Variants in FAM178B observed in about 807,000 individuals in gnomAD.
FAM178B encodes the protein family with sequence similarity 178 member B.
A neutral mutation model predicts 91.7 loss-of-function variants in FAM178B; 82 were observed. The observed-to-expected ratio is 0.89, with a 90% CI of 0.75 to 1.07. The LOEUF is 1.07. Ranked by LOEUF, FAM178B falls within the 50% of genes least tolerant of loss-of-function variation. The pLI is 0.00. For synonymous variants in FAM178B, 368 were observed against 359.4 expected, an observed-to-expected ratio of 1.02 and a Z score of -0.27; for missense variants, 769 against 846.7, an observed-to-expected ratio of 0.91 and a Z score of 1.14.
At chr2:96,906,529 C>T (rs2081059153) in intron 12 of FAM178B, among the ~76,000 whole-genome samples, 1 of 152,172 alleles carries the variant, frequency 6.6e-6, no homozygotes. Flanking sequence ...TCAACCCCCT[C>T]CTGTGCAGCA....
intron 1 of FAM178B, among the ~76,000 whole-genome samples, chr2:96,975,857 G>A (rs2082281247): frequency 6.6e-6 from 1 of 152,180 alleles, no homozygotes; most frequent in Non-Finnish European, 1.5e-5. Context: ...AGCGCAGAAG[G>A]CTTGCCTTGG....
At chr2:96,962,275 C>T (rs1230075852) in intron 5 of FAM178B, among the ~76,000 whole-genome samples, 3 of 151,890 alleles carry the variant, frequency 2.0e-5, no homozygotes, top group Non-Finnish European at 4.4e-5. Context: ...GCACTCCTGC[C>T]TGGGTGACAG....
In FAM178B at chr2:96,940,613, C is replaced by T. The variant is rs145514485; in HGVS notation, c.1078+7205G>A. 2.1e-3 allele frequency among the ~76,000 whole-genome samples: 324 copies of T among 152,234 alleles called. 2 individuals carry two copies. Among genetic ancestry groups the T allele is most frequent in the African/African-American group, 7.3e-3 (305 of 41,524 alleles). On this transcript the variant is annotated intron_variant, in intron 8 of 16. Transcript: ENST00000490605. ...TATATAAAATTCTAGAGAATACAAA[C>T]GAACCTGTAGTGACAAAGTAGATCA... is the stretch of plus-strand genomic sequence containing the variant.
chr2:96,986,351 G>A lies in FAM178B; in HGVS notation c.-38C>T. The A allele has an allele frequency of 6.5e-7, 1 of 1,527,886 alleles. No homozygotes were observed. The highest frequency in any genetic ancestry group is 8.7e-7 in the Non-Finnish European group (1 of 1,144,416). The allele number at this position is 1,527,886 out of a possible 1,614,324, so 94.6% of individuals were successfully genotyped here. A position where few individuals can be genotyped will look rare whatever the true frequency, so the allele number is the denominator to read the frequency against. ...GCAGGGCTCCGGGGTGAGGGAGGGT[G>A]GCGGGAATTCGCACGGCCTCAGAGG... On this transcript the variant is annotated 5_prime_UTR_variant, in exon 1 of 17. Transcript: ENST00000490605.
chr2:96,917,200 TC>T (rs2081255780), intron 12 of FAM178B, among the ~76,000 whole-genome samples: 1 of 152,158 alleles, frequency 6.6e-6, no homozygotes, highest in Non-Finnish European at 1.5e-5. Context: ...AGGAGTACTT[TC>T]AAAAAGGTAC....
chr2:96,888,569 G>A (rs1219529483), intron 14 of FAM178B, among the ~76,000 whole-genome samples: 1 of 152,222 alleles, frequency 6.6e-6, no homozygotes. Flanking sequence ...TAGCCCTGCA[G>A]TGAGAGCCAG....
At chr2:96,876,450 A>G in intron 16 of FAM178B, 142 bp from the exon 17 acceptor site, 1 of 1,052,436 alleles carries the variant, frequency 9.5e-7, no homozygotes, top group Non-Finnish European at 1.4e-6. Flanking sequence ...GCCTGGGTTC[A>G]CACTACTGGC....
intron 12 of FAM178B, 40 bp downstream of exon 12, chr2:96,921,125 G>A: frequency 6.7e-7 from 1 of 1,496,538 alleles, no homozygotes; most frequent in Non-Finnish European, 9.1e-7. Context: ...CCGAAGAGAT[G>A]CGTGTGAGAG....
rs147430885 is a variant in FAM178B at position 96,967,456 on chromosome 2, C to G, written c.734+64G>C. 3 of 1,034,910 alleles carry G rather than the reference C, an allele frequency of 2.9e-6. No individual in the cohort carries two copies. In the Admixed American group the frequency reaches 6.1e-5, roughly 21 times the overall value. The allele number at this position is 1,034,910 out of a possible 1,614,324, so 64.1% of individuals were successfully genotyped here. On this transcript the variant is annotated intron_variant, in intron 5 of 16. Coordinates refer to ENST00000490605, the MANE Select transcript of FAM178B (RefSeq NM_001122646.3). ...ATGTTGGTCAAAACTCTGTCCAAAA[C>G]CAGAGGGGGTTGGCACCTCAGTCTT...
At chr2:96,894,117 G>GA (rs926977640) in intron 13 of FAM178B, 66 bp from the exon 14 acceptor site, 1 of 1,536,522 alleles carries the variant, frequency 6.5e-7, no homozygotes, top group African/African-American at 1.4e-5. Flanking sequence ...GTGCTCCCGG[G>GA]AATCGGCCTG....
intron 8 of FAM178B, among the ~76,000 whole-genome samples, chr2:96,935,386 T>C (rs1030031255): frequency 6.6e-6 from 1 of 152,096 alleles, no homozygotes; most frequent in African/African-American, 2.4e-5. Flanking sequence ...GCACGGCTGG[T>C]AGAGGCCCAG....
chr2:96,908,475 G>A (rs747567982), intron 12 of FAM178B, among the ~76,000 whole-genome samples: 8 of 152,164 alleles, frequency 5.3e-5, no homozygotes, highest in African/African-American at 1.9e-4. Flanking sequence ...TGAGGCAGGA[G>A]GCTCATTTGA....
chr2:96,928,929 C>T (rs1353875123), intron 9 of FAM178B, among the ~76,000 whole-genome samples: 4 of 152,030 alleles, frequency 2.6e-5, no homozygotes, highest in Admixed American at 1.3e-4. Flanking sequence ...GCAGAAGGAT[C>T]GCTTGAGCCT....
At chr2:96,953,963 G>A (rs1236272458) in intron 6 of FAM178B, among the ~76,000 whole-genome samples, 4 of 152,224 alleles carry the variant, frequency 2.6e-5, no homozygotes, top group Non-Finnish European at 5.9e-5. Context: ...AAAGGGGGTG[G>A]GAGGTGTGTG....
At chr2:96,918,170 G>GA (rs2081273779) in intron 12 of FAM178B, among the ~76,000 whole-genome samples, 1 of 144,178 alleles carries the variant, frequency 6.9e-6, no homozygotes, top group African/African-American at 2.6e-5. Flanking sequence ...AAAAAGGACT[G>GA]AAAAAGTAAA....
At chr2:96,928,218 G>C (rs2081479340) in intron 9 of FAM178B, among the ~76,000 whole-genome samples, 6 of 152,134 alleles carry the variant, frequency 3.9e-5, no homozygotes, top group Admixed American at 3.9e-4. Context: ...GGGAAGCATG[G>C]GGGGAAGTCC....
chr2:96,902,474 T>G (rs2080952804), intron 13 of FAM178B, 146 bp downstream of exon 13: 2 of 625,336 alleles, frequency 3.2e-6, no homozygotes, highest in Non-Finnish European at 5.9e-6. Context: ...ATGGCTGGCA[T>G]GCAAGCGGTA....
intron 1 of FAM178B, among the ~76,000 whole-genome samples, chr2:96,972,906 C>T (rs2082242346): frequency 6.6e-6 from 1 of 151,860 alleles, no homozygotes; most frequent in Non-Finnish European, 1.5e-5. Flanking sequence ...CAACCTCTGC[C>T]TCCTGGGTTC....
At chr2:96,934,306 C>A (rs2081590243) in intron 8 of FAM178B, among the ~76,000 whole-genome samples, 1 of 152,150 alleles carries the variant, frequency 6.6e-6, no homozygotes, top group Non-Finnish European at 1.5e-5. Flanking sequence ...GGCCAGGGAG[C>A]ACGGCTGTCT....
Sources: gnomAD v4.1 joint callset for allele counts (sites outside exome capture counted in the v4.1 genomes callset) on GRCh38, gnomAD v4.1.1 for gene constraint, MANE v1.5 for transcripts, NCBI Gene and HGNC (gene_info 2026-07-23, HGNC 2026-07-21) for gene names.